Variants in WWOX observed in about 807,000 individuals in gnomAD.
WWOX encodes WW domain-containing oxidoreductase.
WWOX carries 69 observed loss-of-function variants against 46.2 expected under a neutral mutation model. The ratio of observed to expected loss-of-function variants is 1.49; its 90% CI spans 1.23 to 1.82. WWOX has a LOEUF of 1.82. Among genes scored for constraint, WWOX ranks in the 40% most tolerant of loss-of-function variants. The probability of loss-of-function intolerance (pLI) is 0.00; values close to 1 mark genes in which losing one functional copy is unlikely to be tolerated. For missense variants in WWOX, 919 were observed against 542.6 expected, an observed-to-expected ratio of 1.69 and a Z score of -6.89; for synonymous variants, 359 against 202.6, an observed-to-expected ratio of 1.77 and a Z score of -6.56.
intron 8 of WWOX, among the ~76,000 whole-genome samples, chr16:78,716,603 C>T (rs979709145): frequency 6.6e-6 from 1 of 152,038 alleles, no homozygotes; most frequent in East Asian, 1.9e-4. Flanking sequence ...TCGTGTGGTT[C>T]TGTGATAACC....
At chr16:78,613,768 C>T (rs969867960) in intron 8 of WWOX, among the ~76,000 whole-genome samples, 1 of 152,138 alleles carries the variant, frequency 6.6e-6, no homozygotes, top group Admixed American at 6.6e-5. Context: ...AAGATCCCAA[C>T]CCCTTATCAG....
intron 8 of WWOX, among the ~76,000 whole-genome samples, chr16:78,980,957 AG>A (rs546392254): frequency 6.6e-6 from 1 of 152,174 alleles, no homozygotes; most frequent in South Asian, 2.1e-4. Context: ...ATAAAGTCAC[AG>A]GGTTGGCCCC....
intron 8 of WWOX, among the ~76,000 whole-genome samples, chr16:78,505,919 A>C (rs1374852812): frequency 3.3e-5 from 5 of 150,002 alleles, no homozygotes; most frequent in Non-Finnish European, 1.5e-5. Context: ...TGATTTGGAG[A>C]GAGAAGGACC....
chr16:78,983,664 G>C (rs76953794), intron 8 of WWOX, among the ~76,000 whole-genome samples: 1 of 152,106 alleles, frequency 6.6e-6, no homozygotes, highest in Non-Finnish European at 1.5e-5. Flanking sequence ...GGAATCGGCT[G>C]CAGGATGAAA....
At chr16:78,753,205 C>G (rs886259142) in intron 8 of WWOX, among the ~76,000 whole-genome samples, 1 of 152,174 alleles carries the variant, frequency 6.6e-6, no homozygotes, top group South Asian at 2.1e-4. Flanking sequence ...GAGGCTGAGA[C>G]AGGATAATGG....
intron 8 of WWOX, among the ~76,000 whole-genome samples, chr16:79,157,509 C>G (rs1399366032): frequency 6.6e-6 from 1 of 151,908 alleles, no homozygotes; most frequent in East Asian, 1.9e-4. Context: ...AGGTTGAAGT[C>G]AATCACATCT....
intron 8 of WWOX, chr16:78,899,176 T>TTA (rs2044768407): frequency 6.6e-6 from 1 of 152,162 alleles, no homozygotes; most frequent in African/African-American, 2.4e-5. Flanking sequence ...GACTTCTCTA[T>TTA]TATATGTGAT....
At chr16:78,115,193 A>G (rs530324337) in intron 4 of WWOX, 39 bp downstream of exon 4, 35 of 1,611,344 alleles carry the variant, frequency 2.2e-5, no homozygotes, top group African/African-American at 1.2e-4. Context: ...TGGGACTGCT[A>G]TAATGAGATC....
In WWOX at chr16:78,768,480, C is replaced by T. The variant is rs369693645; in HGVS notation, c.1056+335728C>T. ...TGGCGCACGCCTGTAATCCCAGCTA[C>T]TCACCAGGCTGAGAGTGGAAAATCA... On this transcript the variant is annotated intron_variant, in intron 8 of 8. Transcript: ENST00000566780. Among the ~76,000 whole-genome samples the T allele has an allele frequency of 2.8e-4, 42 of 151,848 alleles. No homozygotes were observed. The East Asian group carries it at 3.1e-3, about 11-fold the overall frequency.
intron 8 of WWOX, among the ~76,000 whole-genome samples, chr16:78,776,883 C>A (rs770205774): frequency 1.3e-5 from 2 of 152,098 alleles, no homozygotes; most frequent in Non-Finnish European, 2.9e-5. Context: ...GGAACCACCC[C>A]CATCATCCAG....
chr16:78,736,406 A>C (rs560088764), intron 8 of WWOX, among the ~76,000 whole-genome samples: 9 of 152,248 alleles, frequency 5.9e-5, no homozygotes, highest in African/African-American at 1.7e-4. Context: ...CAGCTGCTAA[A>C]AGGGGATCTG....
At chr16:79,211,056 T>TGTGTGTGC (rs760064090) in intron 8 of WWOX, among the ~76,000 whole-genome samples, 1 of 150,314 alleles carries the variant, frequency 6.7e-6, no homozygotes, top group Non-Finnish European at 1.5e-5. Flanking sequence ...TGTGTGTGTG[T>TGTGTGTGC]GCATTAAATG....
intron 8 of WWOX, chr16:79,016,952 G>C (rs887954020): frequency 6.6e-6 from 1 of 152,162 alleles, no homozygotes; most frequent in African/African-American, 2.4e-5. Context: ...CGACCACCTC[G>C]ACCTCGAGAA....
chr16:78,743,272 G>T (rs1218893652), intron 8 of WWOX, among the ~76,000 whole-genome samples: 1 of 152,114 alleles, frequency 6.6e-6, no homozygotes, highest in Admixed American at 6.5e-5. Flanking sequence ...GATTGGCCCT[G>T]TGTATCCCTC....
chr16:78,590,304 G>A (rs534176538), intron 8 of WWOX, among the ~76,000 whole-genome samples: 6 of 152,184 alleles, frequency 3.9e-5, no homozygotes, highest in African/African-American at 7.2e-5. Flanking sequence ...AAGGCACCAC[G>A]TTGCTGTGTC....
At chr16:78,616,377 A>G (rs997584911) in intron 8 of WWOX, among the ~76,000 whole-genome samples, 6 of 152,130 alleles carry the variant, frequency 3.9e-5, no homozygotes, top group Admixed American at 6.5e-5. Context: ...TGGCAGATTC[A>G]GTGTCCGGTG....
intron 6 of WWOX, among the ~76,000 whole-genome samples, chr16:78,404,200 T>G (rs181223607): frequency 6.6e-6 from 1 of 152,216 alleles, no homozygotes; most frequent in East Asian, 1.9e-4. Flanking sequence ...AAAGTACTGA[T>G]TGTATGCAGT....
rs202162505 is a variant in WWOX at position 78,994,705 on chromosome 16, A to AG, written c.1057-216898dup. ...ATAGACAGTGGGGGGTGGAATCAAA[A>AG]GGGGGAAAAAACTCATTTCATCTCA... On this transcript the variant is annotated intron_variant, in intron 8 of 8. Transcript: ENST00000566780. Among the ~76,000 whole-genome samples the AG allele has an allele frequency of 5.3e-3, 802 of 152,236 alleles. 14 individuals carry two copies. Among genetic ancestry groups the AG allele is most frequent in the African/African-American group, 0.018 (757 of 41,550 alleles).
chr16:78,683,407 G>T (rs1460324238), intron 8 of WWOX, among the ~76,000 whole-genome samples: 1 of 151,860 alleles, frequency 6.6e-6, no homozygotes, highest in African/African-American at 2.4e-5. Context: ...AGGCGTGGTG[G>T]TGTGTGCCTG....
Sources: gnomAD v4.1 joint callset for allele counts (sites outside exome capture counted in the v4.1 genomes callset) on GRCh38, gnomAD v4.1.1 for gene constraint, MANE v1.5 for transcripts, NCBI Gene and HGNC (gene_info 2026-07-23, HGNC 2026-07-21) for gene names.